KIF12: variants seen among roughly 807,000 people sequenced by gnomAD.
The protein encoded by KIF12 is kinesin family member 12, also known as kinesin-like protein KIF12.
A neutral mutation model predicts 87.9 loss-of-function variants in KIF12; 80 were observed. That is an observed-to-expected ratio of 0.91 (90% CI 0.76 to 1.10). KIF12 has a LOEUF of 1.10. Among genes scored for constraint, KIF12 ranks in the 50% least tolerant of loss-of-function variants. The pLI is 0.00. For synonymous variants in KIF12, 353 were observed against 348.5 expected, an observed-to-expected ratio of 1.01 and a Z score of -0.14; for missense variants, 819 against 865.3, an observed-to-expected ratio of 0.95 and a Z score of 0.67.
chr9:114,098,878 AG>A, intron 3 of KIF12, 56 bp downstream of exon 3: 1 of 1,524,492 alleles, frequency 6.6e-7, no homozygotes, highest in Non-Finnish European at 8.8e-7. Flanking sequence ...GCCTGGGGGA[AG>A]GGATCTGGCG....
chr9:114,094,936 T>A, intron 11 of KIF12, 87 bp downstream of exon 11: 1 of 1,211,232 alleles, frequency 8.3e-7, no homozygotes. Flanking sequence ...AGTCCAAGAC[T>A]TCAATCAAGG....
chr9:114,099,185 C>T lies in KIF12; in HGVS notation c.27-16G>A, dbSNP rs1020776102. On this transcript the variant is annotated splice_polypyrimidine_tract_variant and intron_variant, in intron 1 of 18. Coordinates refer to ENST00000640217, the MANE Select transcript of KIF12 (RefSeq NM_001388308.1). Reference sequence around the variant, plus strand: ...CGCGAGATCCCTGTGGGCAGCAATGCGACTTATCATACCTGCACCTAGCGG... The same window carrying T: ...CGCGAGATCCCTGTGGGCAGCAATGTGACTTATCATACCTGCACCTAGCGG... 25 of 1,549,760 alleles carry T rather than the reference C, an allele frequency of 1.6e-5. No homozygotes were observed. The highest frequency in any genetic ancestry group is 2.0e-5 in the Non-Finnish European group (23 of 1,147,082).
Position 114,094,426 on chromosome 9 carries a change from C to A in KIF12, c.1149G>T (p.Leu383Phe). 1 of 1,613,822 alleles carries A rather than the reference C, an allele frequency of 6.2e-7. No homozygotes were observed. The part of the protein sequence containing the change: ...KSPVAKQPQR[L>F]ETEMLQLQEE... ...CCTGGAGCTGCAGCATCTCTGTCTC[C>A]AAACGCTGGGGCTGCTTTGCCACAG... Residue 383 changes from leucine to phenylalanine, a missense_variant, in exon 12 of 19, where the codon TTG becomes TTT. By Grantham distance (22) the Leu-to-Phe change is conservative. Coordinates refer to ENST00000640217, the MANE Select transcript of KIF12 (RefSeq NM_001388308.1).
Position 114,093,492 on chromosome 9 carries a change from A to T in KIF12, c.1406T>A (p.Leu469His). 1 of 1,556,446 alleles carries T rather than the reference A, an allele frequency of 6.4e-7. No individual in the cohort carries two copies. The highest frequency in any genetic ancestry group is 8.7e-7 in the Non-Finnish European group (1 of 1,149,456). Residue 469 changes from leucine (L) to histidine (H), a missense_variant, in exon 15 of 19, where the codon CTC (leucine) becomes CAC (histidine). Coordinates refer to ENST00000640217, the MANE Select transcript of KIF12 (RefSeq NM_001388308.1). ...CTGGTGATGGTAGCAGGCAGAGAGG[A>T]GACGCCTAGAAAGAACAGCAGGGTC... Reference protein sequence around the residue: ...AQQVHALERRLLSACYHHQQG... With the variant: ...AQQVHALERRHLSACYHHQQG...
chr9:114,098,332 AC>A lies in KIF12; in HGVS notation c.268del (p.Val90CysfsTer30). On this transcript the variant is annotated frameshift_variant, in exon 4 of 19. Transcript: ENST00000640217. LOFTEE classifies it high-confidence loss of function. ...TQEDVFRACG[V>X]RRLGELALRG... ...CAGCGCCAGCTCCCCCAGGCGCCGCACGCCGCACGCCCGGAACACGTCCTCC... is the reference window on the plus strand; with the variant it reads ...CAGCGCCAGCTCCCCCAGGCGCCGCAGCCGCACGCCCGGAACACGTCCTCC... 2.0e-6 allele frequency: 3 copies of A among 1,474,134 alleles called. No homozygotes were observed. Among genetic ancestry groups the A allele is most frequent in the Non-Finnish European group, 2.7e-6 (3 of 1,117,902 alleles). The allele number at this position is 1,474,134 out of a possible 1,614,324, so 91.3% of individuals were successfully genotyped here. A position where few individuals can be genotyped will look rare whatever the true frequency, so the allele number is the denominator to read the frequency against.
intron 5 of KIF12, 81 bp downstream of exon 5, chr9:114,098,034 G>A (rs892118774): frequency 1.5e-6 from 2 of 1,355,540 alleles, no homozygotes; most frequent in African/African-American, 3.0e-5. Flanking sequence ...TTCCCTCTGG[G>A]AGTCTGCGCC....
intron 4 of KIF12, 42 bp downstream of exon 4, chr9:114,098,260 C>T (rs770960924): frequency 6.6e-7 from 1 of 1,507,916 alleles, no homozygotes; most frequent in South Asian, 1.3e-5. Context: ...GCTTCGGGGC[C>T]CCGCCAGGCC....
intron 16 of KIF12, chr9:114,092,869 G>A: frequency 3.5e-6 from 5 of 1,431,798 alleles, no homozygotes; most frequent in South Asian, 3.0e-5. Flanking sequence ...AACCACGTCT[G>A]GTCTATTTCT....
At chr9:114,099,213 G>C in intron 1 of KIF12, 38 bp downstream of exon 1, 1 of 1,550,992 alleles carries the variant, frequency 6.4e-7, no homozygotes, top group Non-Finnish European at 8.7e-7. Context: ...CCTAGCGGCT[G>C]TTCAGGACTC....
At chr9:114,098,221 G>T in intron 4 of KIF12, 31 bp from the exon 5 acceptor site, 1 of 1,528,312 alleles carries the variant, frequency 6.5e-7, no homozygotes, top group Non-Finnish European at 8.8e-7. Flanking sequence ...GCTGGACTCC[G>T]GCGGCTACCC....
Position 114,091,819 on chromosome 9 carries a change from G to C in KIF12, c.*42C>G, listed in dbSNP as rs776348607. ...CTGAAGCCCAAGAGTGTGGAGCCCAGTCTGAGGTCACACAGCAGTCTCCTG... is the reference window on the plus strand; with the variant it reads ...CTGAAGCCCAAGAGTGTGGAGCCCACTCTGAGGTCACACAGCAGTCTCCTG... On this transcript the variant is annotated 3_prime_UTR_variant, in exon 19 of 19. Transcript: ENST00000640217. The C allele has an allele frequency of 1.9e-6, 3 of 1,549,296 alleles. No homozygotes were observed. Among genetic ancestry groups the C allele is most frequent in the Non-Finnish European group, 2.6e-6 (3 of 1,142,126 alleles).
rs1242174585 is a variant in KIF12 at position 114,098,208 on chromosome 9, G to T, written c.300-18C>A. Reference sequence around the variant, plus strand: ...AGGAGAAACTGCGGGCGGCAAGGGCGTGGCTGGACTCCGGCGGCTACCCGG... The same window carrying T: ...AGGAGAAACTGCGGGCGGCAAGGGCTTGGCTGGACTCCGGCGGCTACCCGG... On this transcript the variant is annotated intron_variant, in intron 4 of 18. Coordinates refer to ENST00000640217, the MANE Select transcript of KIF12 (RefSeq NM_001388308.1). 8 of 1,539,250 alleles carry T rather than the reference G, an allele frequency of 5.2e-6. No homozygotes were observed. The South Asian group carries it at 9.7e-5, about 19-fold the overall frequency.
At chr9:114,097,813 C>A in intron 5 of KIF12, 72 bp from the exon 6 acceptor site, 1 of 1,498,118 alleles carries the variant, frequency 6.7e-7, no homozygotes, top group Non-Finnish European at 9.0e-7. Flanking sequence ...ATGTATGATA[C>A]CGTGCGCCGG....
At chr9:114,092,747 G>A in intron 16 of KIF12, 105 bp from the exon 17 acceptor site, 1 of 1,502,476 alleles carries the variant, frequency 6.7e-7, no homozygotes, top group Non-Finnish European at 8.8e-7. Flanking sequence ...ACCCCACAAG[G>A]TACCAAGAAT....
At chr9:114,093,748 G>A in intron 14 of KIF12, 138 bp downstream of exon 14, 1 of 738,572 alleles carries the variant, frequency 1.4e-6, no homozygotes, top group South Asian at 1.7e-5. Flanking sequence ...AGGTGACACA[G>A]CTAGTAGGTG....
At chr9:114,093,077 C>A in intron 16 of KIF12, 152 bp downstream of exon 16, 1 of 1,086,166 alleles carries the variant, frequency 9.2e-7, no homozygotes, top group Non-Finnish European at 1.3e-6. Flanking sequence ...ACAGCTATTT[C>A]AAACCAGGGC....
Position 114,098,417 on chromosome 9 carries a change from C to A in KIF12, c.184G>T (p.Gly62Cys). Reference protein sequence around the residue: ...GTRTLQVSPPGGGPEVAFRFG... With the variant: ...GTRTLQVSPPCGGPEVAFRFG... ...CGGAACGCCACTTCTGGACCCCCGC[C>A]TGGAGGACTCACCTGGCGCGGGTGG... Residue 62 changes from glycine (G) to cysteine (C), a missense_variant, in exon 4 of 19, where the codon GGC becomes TGC. Physicochemically the swap from Gly to Cys is radical, Grantham distance 159 (BLOSUM62 -3). Coordinates refer to ENST00000640217, the MANE Select transcript of KIF12 (RefSeq NM_001388308.1). The A allele has an allele frequency of 2.8e-6, 4 of 1,452,770 alleles. No individual in the cohort carries two copies. The highest frequency in any genetic ancestry group is 3.6e-6 in the Non-Finnish European group (4 of 1,099,670). 90.0% of individuals were successfully genotyped at this position (1,452,770 alleles called of 1,614,324 possible). A position where few individuals can be genotyped will look rare whatever the true frequency, so the allele number is the denominator to read the frequency against.
intron 17 of KIF12, 30 bp from the exon 18 acceptor site, chr9:114,092,481 GTGAGCCT>G (rs1681966789): frequency 6.2e-7 from 1 of 1,613,460 alleles, no homozygotes; most frequent in African/African-American, 1.3e-5. Flanking sequence ...GAGATGGGAG[GTGAGCCT>G]TTGAGTTCCC....
chr9:114,091,951 G>C lies in KIF12; in HGVS notation c.1866C>G (p.Asp622Glu), dbSNP rs1389450164. 2.5e-6 allele frequency: 4 copies of C among 1,612,952 alleles called. No homozygotes were observed. The highest frequency in any genetic ancestry group is 3.3e-5 in the Admixed American group (2 of 60,000). Residue 622 changes from aspartate (D) to glutamate (E), a missense_variant, in exon 19 of 19, where the codon GAC becomes GAG. Transcript: ENST00000640217. ...CACGTCGCAGGGAGCTGCCAATCTG[G>C]TCTCTGAGGGCCTCCAGTCTCTGGG... Reference protein sequence around the residue: ...NLAQRLEALRDQIGSSLRRGR... With the variant: ...NLAQRLEALREQIGSSLRRGR...
Sources: gnomAD v4.1 joint callset for allele counts on GRCh38, gnomAD v4.1.1 for gene constraint, MANE v1.5 for transcripts, NCBI Gene and HGNC (gene_info 2026-07-23, HGNC 2026-07-21) for gene names.